Variants in CA10 observed in about 807,000 individuals in gnomAD.
CA10 encodes carbonic anhydrase-related protein 10.
A neutral mutation model predicts 44.2 loss-of-function variants in CA10; 14 were observed. That is an observed-to-expected ratio of 0.32 (90% CI 0.21 to 0.50). The LOEUF is 0.50. Among genes scored for constraint, CA10 ranks in the 20% least tolerant of loss-of-function variants. The probability of loss-of-function intolerance (pLI) is 0.99; values close to 1 mark genes in which losing one functional copy is unlikely to be tolerated. For missense variants in CA10, 350 were observed against 409.7 expected, an observed-to-expected ratio of 0.85 and a Z score of 1.26; for synonymous variants, 159 against 141.6, an observed-to-expected ratio of 1.12 and a Z score of -0.87.
At chr17:52,148,306 C>A (rs775583475) in intron 1 of CA10, among the ~76,000 whole-genome samples, 10 of 152,142 alleles carry the variant, frequency 6.6e-5, no homozygotes, top group African/African-American at 2.4e-4. Context: ...ACAATCTCCT[C>A]AAGTAGGAAC....
At chr17:52,069,512 A>G (rs1170938033) in intron 2 of CA10, among the ~76,000 whole-genome samples, 1 of 152,204 alleles carries the variant, frequency 6.6e-6, no homozygotes, top group Non-Finnish European at 1.5e-5. Flanking sequence ...CAGAATCCCA[A>G]TACTGTGTTG....
At chr17:52,151,766 T>C (rs745400672) in intron 1 of CA10, among the ~76,000 whole-genome samples, 4 of 152,160 alleles carry the variant, frequency 2.6e-5, no homozygotes, top group Non-Finnish European at 4.4e-5. Flanking sequence ...TCAGGCAGTA[T>C]GGCAGATTCT....
At chr17:52,011,080 C>A (rs187559442) in intron 2 of CA10, among the ~76,000 whole-genome samples, 1 of 151,842 alleles carries the variant, frequency 6.6e-6, no homozygotes, top group African/African-American at 2.4e-5. Context: ...CCCTTCTGAG[C>A]CTTACTTTCT....
chr17:51,897,868 G>C (rs1208829665), intron 3 of CA10, among the ~76,000 whole-genome samples: 1 of 151,900 alleles, frequency 6.6e-6, no homozygotes, highest in East Asian at 1.9e-4. Flanking sequence ...TGTCAGCTTG[G>C]ATGTTATTGA....
At chr17:51,730,845 A>G (rs1258434011) in intron 4 of CA10, among the ~76,000 whole-genome samples, 1 of 152,160 alleles carries the variant, frequency 6.6e-6, no homozygotes, top group East Asian at 1.9e-4. Context: ...AAATATTCAA[A>G]AGGTTTTTGG....
intron 3 of CA10, among the ~76,000 whole-genome samples, chr17:51,750,771 A>C (rs2143613332): frequency 6.6e-6 from 1 of 152,332 alleles, no homozygotes; most frequent in African/African-American, 2.4e-5. Flanking sequence ...AACAAAAAAC[A>C]TTGCTCCAAG....
rs147901883 is a variant in CA10, at chr17:51,644,750, C to T, written c.634+4432G>A. The stretch of plus-strand genomic sequence containing the variant: ...AGTCATCCCTCACTCCCCTCTTTCT[C>T]TCACATAAAACATCAGATATATTAT... On this transcript the variant is annotated intron_variant, in intron 6 of 8. Coordinates refer to ENST00000451037, the MANE Select transcript of CA10 (RefSeq NM_020178.5). 3.3e-4 allele frequency among the ~76,000 whole-genome samples: 50 copies of T among 151,742 alleles called. 1 individual carries two copies. In the East Asian group the frequency reaches 8.7e-3, roughly 26 times the overall value.
intron 2 of CA10, among the ~76,000 whole-genome samples, chr17:52,025,846 A>G (rs985223973): frequency 2.0e-5 from 3 of 152,156 alleles, no homozygotes; most frequent in African/African-American, 7.2e-5. Context: ...TGATGGTGAC[A>G]GGGAAGAGAT....
intron 1 of CA10, among the ~76,000 whole-genome samples, chr17:52,154,961 G>A (rs960653340): frequency 6.6e-6 from 1 of 152,202 alleles, no homozygotes; most frequent in African/African-American, 2.4e-5. Flanking sequence ...GTGGGTTAGA[G>A]GAAGTGTTGG....
intron 2 of CA10, among the ~76,000 whole-genome samples, chr17:52,021,388 T>C (rs1245693776): frequency 1.3e-5 from 2 of 152,172 alleles, no homozygotes; most frequent in Admixed American, 6.5e-5. Context: ...ATCTTCAAAC[T>C]GCTTTCCACA....
intron 2 of CA10, among the ~76,000 whole-genome samples, chr17:51,970,340 G>GA (rs1239129498): frequency 9.4e-5 from 14 of 149,002 alleles, no homozygotes; most frequent in African/African-American, 1.5e-4. Flanking sequence ...CTTCAGGAAA[G>GA]AAAAAAAAAG....
rs187035704 is a variant in CA10 at position 51,662,259 on chromosome 17, G to T, written c.466-8523C>A. 9.2e-5 allele frequency among the ~76,000 whole-genome samples: 14 copies of T among 152,152 alleles called. 1 individual carries two copies. Among genetic ancestry groups the T allele is most frequent in the Admixed American group, 9.2e-4 (14 of 15,282 alleles). On this transcript the variant is annotated intron_variant, in intron 4 of 8. Coordinates refer to ENST00000451037, the MANE Select transcript of CA10 (RefSeq NM_020178.5). ...GAGCTGAATTCTAGTCAACGTATAG[G>T]TCCCAAATGCCCACCCTATGCCAGA...
chr17:51,839,592 T>C (rs1978303240), intron 3 of CA10, among the ~76,000 whole-genome samples: 1 of 151,336 alleles, frequency 6.6e-6, no homozygotes, highest in Non-Finnish European at 1.5e-5. Context: ...ATTGATTGAT[T>C]CCTCAGATAT....
intron 3 of CA10, among the ~76,000 whole-genome samples, chr17:51,843,840 T>C (rs1029046281): frequency 8.5e-5 from 13 of 152,234 alleles, no homozygotes; most frequent in African/African-American, 2.6e-4. Flanking sequence ...GTCTCCACAG[T>C]TGCAAAGTTT....
intron 3 of CA10, among the ~76,000 whole-genome samples, chr17:51,757,607 A>G (rs1228566285): frequency 6.6e-6 from 1 of 152,236 alleles, no homozygotes; most frequent in Non-Finnish European, 1.5e-5. Context: ...TACTGACTCA[A>G]AGTTAGAAAT....
At chr17:51,712,805 T>C (rs1915983683) in intron 4 of CA10, among the ~76,000 whole-genome samples, 1 of 152,242 alleles carries the variant, frequency 6.6e-6, no homozygotes, top group African/African-American at 2.4e-5. Flanking sequence ...CTTACTATAC[T>C]ACCTCTCAGA....
intron 1 of CA10, among the ~76,000 whole-genome samples, chr17:52,103,916 A>T (rs1988598003): frequency 1.3e-5 from 2 of 152,232 alleles, no homozygotes; most frequent in Non-Finnish European, 2.9e-5. Context: ...GATATAGTGA[A>T]GCAAGCTCGG....
At chr17:52,038,596 G>A (rs1033698632) in intron 2 of CA10, among the ~76,000 whole-genome samples, 1 of 152,112 alleles carries the variant, frequency 6.6e-6, no homozygotes, top group African/African-American at 2.4e-5. Flanking sequence ...TAACAGATAC[G>A]TGTATAAAAA....
Position 52,128,648 on chromosome 17 carries a change from C to T in CA10, c.61+29078G>A, listed in dbSNP as rs188667959. Among the ~76,000 whole-genome samples, 8 of 152,234 alleles carry T rather than the reference C, an allele frequency of 5.3e-5. No individual in the cohort carries two copies. The East Asian group carries it at 9.6e-4, about 18-fold the overall frequency. On this transcript the variant is annotated intron_variant, in intron 1 of 8. Coordinates refer to ENST00000451037, the MANE Select transcript of CA10 (RefSeq NM_020178.5). ...TTCATGTGAGTTAATTTATCTGATA[C>T]GTTAATTAGAATTAATTTGCCTTAA... is the stretch of plus-strand genomic sequence containing the variant.
Sources: allele counts gnomAD v4.1 joint callset (sites outside exome capture counted in the v4.1 genomes callset), GRCh38; gene constraint gnomAD v4.1.1; transcripts MANE v1.5; gene names NCBI Gene and HGNC (gene_info 2026-07-23, HGNC 2026-07-21).